The following RORA variants were observed in gnomAD, a reference collection of about 807,000 sequenced individuals.
RORA encodes nuclear receptor ROR-alpha.
In RORA, 7 loss-of-function variants were observed where a neutral mutation model predicts 69.5. The ratio of observed to expected loss-of-function variants is 0.10; its 90% confidence interval spans 0.06 to 0.19. The LOEUF is 0.19. Ranked by LOEUF, RORA falls within the 10% of genes least tolerant of loss-of-function variation. The probability of loss-of-function intolerance (pLI) is 1.00; values close to 1 mark genes in which losing one functional copy is unlikely to be tolerated. For missense variants in RORA, 457 were observed against 663.0 expected (o/e 0.69, Z 3.41); for synonymous variants, 261 against 240.8 (o/e 1.08, Z -0.78).
At position 60,610,965 on chromosome 15, in the gene RORA, A is replaced by G. The variant is rs2140581942; in HGVS notation, c.196+67692T>C. ...GAGTGTTTTGGTTTGTGCAAGGTAG[A>G]AAAATCAGAAGATAATAAAAAGTTC... is the stretch of plus-strand genomic sequence containing the variant. On this transcript the variant is annotated intron_variant, in intron 2 of 10. Transcript: ENST00000335670. Among the ~76,000 whole-genome samples the G allele has an allele frequency of 1.3e-5, 2 of 152,344 alleles. 1 individual carries two copies. Among genetic ancestry groups the G allele is most frequent in the African/African-American group, 4.8e-5 (2 of 41,572 alleles).
chr15:60,989,331 T>C (rs1894301582), intron 1 of RORA, among the ~76,000 whole-genome samples: 1 of 152,244 alleles, frequency 6.6e-6, no homozygotes, highest in Non-Finnish European at 1.5e-5. Context: ...TCTGAACTTT[T>C]GTGTATGGTC....
At chr15:60,617,925 T>C (rs1208070998) in intron 2 of RORA, among the ~76,000 whole-genome samples, 4 of 152,098 alleles carry the variant, frequency 2.6e-5, no homozygotes, top group Admixed American at 2.6e-4. Context: ...GAGAGGCAGC[T>C]AGGGATAAGA....
At chr15:60,633,833 A>G (rs756070250) in intron 2 of RORA, among the ~76,000 whole-genome samples, 24 of 152,228 alleles carry the variant, frequency 1.6e-4, no homozygotes, top group Non-Finnish European at 3.4e-4. Flanking sequence ...AGTTTCTTTT[A>G]TCTTCCTCCA....
chr15:60,645,070 A>G (rs906839372), intron 2 of RORA, among the ~76,000 whole-genome samples: 6 of 152,198 alleles, frequency 3.9e-5, no homozygotes, highest in Admixed American at 3.3e-4. Flanking sequence ...TGAGTCACAG[A>G]TGAACAAGTA....
chr15:60,889,890 C>T (rs2073795127), intron 1 of RORA, among the ~76,000 whole-genome samples: 1 of 152,230 alleles, frequency 6.6e-6, no homozygotes, highest in Middle Eastern at 3.4e-3. Context: ...TGGATGGCAA[C>T]GGACGTAAAA....
chr15:60,725,472 G>A (rs1311185099), intron 1 of RORA, among the ~76,000 whole-genome samples: 1 of 152,080 alleles, frequency 6.6e-6, no homozygotes, highest in African/African-American at 2.4e-5. Context: ...TATTTAGGGG[G>A]TAGATGAGAT....
At chr15:60,915,505 A>C (rs1891846022) in intron 1 of RORA, among the ~76,000 whole-genome samples, 1 of 152,196 alleles carries the variant, frequency 6.6e-6, no homozygotes, top group Non-Finnish European at 1.5e-5. Context: ...GTTTCTCGGC[A>C]TTGTCAAAGT....
At chr15:60,769,050 A>G (rs976073772) in intron 1 of RORA, among the ~76,000 whole-genome samples, 1 of 152,174 alleles carries the variant, frequency 6.6e-6, no homozygotes, top group Non-Finnish European at 1.5e-5. Flanking sequence ...TGCCCTATTC[A>G]AGATTGGTGT....
chr15:60,761,530 T>A (rs2071891135), intron 1 of RORA, among the ~76,000 whole-genome samples: 1 of 152,152 alleles, frequency 6.6e-6, no homozygotes, highest in South Asian at 2.1e-4. Flanking sequence ...TTATGTTTTA[T>A]CCCAGGCCTT....
intron 2 of RORA, among the ~76,000 whole-genome samples, chr15:60,577,697 T>A (rs928954740): frequency 6.6e-6 from 1 of 150,424 alleles, no homozygotes; most frequent in African/African-American, 2.4e-5. Context: ...AGGTTATACA[T>A]CAGTCATTGC....
At chr15:61,047,992 C>T (rs966969383) in intron 1 of RORA, among the ~76,000 whole-genome samples, 7 of 152,136 alleles carry the variant, frequency 4.6e-5, no homozygotes, top group Admixed American at 2.6e-4. Context: ...AGGTGACTCA[C>T]GTGTTTATGT....
chr15:60,677,564 C>T (rs985274650), intron 2 of RORA, among the ~76,000 whole-genome samples: 1 of 149,720 alleles, frequency 6.7e-6, no homozygotes, highest in East Asian at 1.9e-4. Context: ...TCCAATTTGA[C>T]GTTTTTTGGT....
chr15:61,092,002 C>T (rs977653233), intron 1 of RORA, among the ~76,000 whole-genome samples: 1 of 152,144 alleles, frequency 6.6e-6, no homozygotes, highest in African/African-American at 2.4e-5. Context: ...ACACCGTAGT[C>T]AAACAATTGA....
At chr15:60,824,194 T>A (rs973979037) in intron 1 of RORA, among the ~76,000 whole-genome samples, 1 of 152,154 alleles carries the variant, frequency 6.6e-6, no homozygotes, top group African/African-American at 2.4e-5. Context: ...ATCAGGAGGA[T>A]CTTTGTGAAT....
chr15:60,747,046 T>A lies in RORA; in HGVS notation c.167-68360A>T, dbSNP rs183830941. ...ACAGTCTTCTGCCCTCCCCTTTTGT[T>A]CCTCTTAACCCCCAATGTTAGAGAC... On this transcript the variant is annotated intron_variant, in intron 1 of 10. Coordinates refer to ENST00000335670, the MANE Select transcript of RORA (RefSeq NM_134261.3). Among the ~76,000 whole-genome samples, 6 of 152,284 alleles carry A rather than the reference T, an allele frequency of 3.9e-5. No individual in the cohort carries two copies. In the East Asian group the frequency reaches 1.2e-3, roughly 29 times the overall value.
intron 2 of RORA, among the ~76,000 whole-genome samples, chr15:60,602,875 T>G (rs1411297944): frequency 6.6e-6 from 1 of 152,182 alleles, no homozygotes; most frequent in Non-Finnish European, 1.5e-5. Context: ...ACAATTAAAT[T>G]AAAAGACACA....
chr15:60,522,770 TAAAAAA>T (rs34289911), intron 3 of RORA, among the ~76,000 whole-genome samples: 1 of 124,168 alleles, frequency 8.1e-6, no homozygotes, highest in Non-Finnish European at 1.7e-5. Context: ...CCCTGTGTCT[TAAAAAA>T]AAAAAAAAAA....
chr15:60,868,859 T>C (rs1248800844), intron 1 of RORA, among the ~76,000 whole-genome samples: 3 of 152,222 alleles, frequency 2.0e-5, no homozygotes, highest in African/African-American at 4.8e-5. Context: ...GAGCACTTCA[T>C]GCCTTCCTGT....
chr15:60,644,662 G>T (rs1381092902), intron 2 of RORA, among the ~76,000 whole-genome samples: 1 of 152,122 alleles, frequency 6.6e-6, no homozygotes, highest in Non-Finnish European at 1.5e-5. Flanking sequence ...GAAATGAAAG[G>T]TTATGGTTGT....
Sources: gnomAD v4.1 joint callset for allele counts (sites outside exome capture counted in the v4.1 genomes callset) on GRCh38, gnomAD v4.1.1 for gene constraint, MANE v1.5 for transcripts, NCBI Gene and HGNC (gene_info 2026-07-23, HGNC 2026-07-21) for gene names.